The following FAF1 variants were observed in gnomAD, a reference collection of about 807,000 sequenced individuals.
FAF1 encodes Fas associated factor 1.
FAF1 carries 25 observed loss-of-function variants against 92.5 expected under a neutral mutation model. The ratio of observed to expected loss-of-function variants is 0.27; its 90% CI spans 0.20 to 0.38. The LOEUF is 0.38. Among genes scored for constraint, FAF1 ranks in the 10% least tolerant of loss-of-function variants. The pLI is 1.00. For missense variants in FAF1, 636 were observed against 793.3 expected, an observed-to-expected ratio of 0.80 and a Z score of 2.38; for synonymous variants, 234 against 273.2, an observed-to-expected ratio of 0.86 and a Z score of 1.42.
intron 1 of FAF1, among the ~76,000 whole-genome samples, chr1:50,866,959 C>G (rs967917265): frequency 6.6e-6 from 1 of 151,876 alleles, no homozygotes; most frequent in African/African-American, 2.4e-5. Flanking sequence ...CTATGGTCAC[C>G]AAAACATCAT....
At chr1:50,504,302 C>A (rs1647027499) in intron 15 of FAF1, among the ~76,000 whole-genome samples, 1 of 151,126 alleles carries the variant, frequency 6.6e-6, no homozygotes, top group South Asian at 2.1e-4. Context: ...GTGGATTAAG[C>A]AATACCTAAA....
intron 2 of FAF1, among the ~76,000 whole-genome samples, chr1:50,851,403 T>C (rs927741680): frequency 6.6e-6 from 1 of 152,194 alleles, no homozygotes; most frequent in Non-Finnish European, 1.5e-5. Flanking sequence ...AATATCCAAG[T>C]CGTTAAGCAG....
intron 1 of FAF1, among the ~76,000 whole-genome samples, chr1:50,888,990 G>A (rs1288254497): frequency 7.2e-5 from 11 of 152,092 alleles, no homozygotes; most frequent in Middle Eastern, 3.2e-3. Flanking sequence ...AATCCATCTG[G>A]TCCCGGACTT....
intron 7 of FAF1, among the ~76,000 whole-genome samples, chr1:50,674,110 C>T (rs1371201691): frequency 6.6e-6 from 1 of 152,118 alleles, no homozygotes; most frequent in Non-Finnish European, 1.5e-5. Context: ...GCCACCACAC[C>T]CAGCTAATTT....
intron 7 of FAF1, among the ~76,000 whole-genome samples, chr1:50,678,980 G>C (rs548417248): frequency 6.7e-6 from 1 of 148,884 alleles, no homozygotes; most frequent in Non-Finnish European, 1.5e-5. Flanking sequence ...CCAGCTACTC[G>C]GGAGGCTGAA....
At chr1:50,779,937 A>AG (rs1357429810) in intron 4 of FAF1, among the ~76,000 whole-genome samples, 1 of 151,820 alleles carries the variant, frequency 6.6e-6, no homozygotes, top group African/African-American at 2.4e-5. Context: ...AAAAAGAAAA[A>AG]GAAAAAAAAG....
intron 17 of FAF1, 63 bp downstream of exon 17, chr1:50,490,525 T>G (rs1646826274): frequency 1.9e-6 from 1 of 519,792 alleles, no homozygotes; most frequent in Non-Finnish European, 3.3e-6. Context: ...GAAGGTAGGT[T>G]AACAGCTTCA....
At chr1:50,531,988 T>C (rs1648199247) in intron 15 of FAF1, among the ~76,000 whole-genome samples, 1 of 152,154 alleles carries the variant, frequency 6.6e-6, no homozygotes, top group African/African-American at 2.4e-5. Flanking sequence ...ACTTAAGTCT[T>C]ATTTCTAATT....
At position 50,731,960 on chromosome 1, in the gene FAF1, C is replaced by T. The variant is rs149804208; in HGVS notation, c.551+6903G>A. Among the ~76,000 whole-genome samples, 19 of 152,158 alleles carry T rather than the reference C, an allele frequency of 1.2e-4. 1 individual carries two copies. The East Asian group carries it at 3.5e-3, about 28-fold the overall frequency. The stretch of plus-strand genomic sequence containing the variant: ...TATGATAGTGATTCTTTGATACTGG[C>T]TTTGTGTTCTACTACATGGTCAGTT... On this transcript the variant is annotated intron_variant, in intron 6 of 18. Coordinates refer to ENST00000396153, the MANE Select transcript of FAF1 (RefSeq NM_007051.3).
intron 9 of FAF1, among the ~76,000 whole-genome samples, chr1:50,589,741 A>C (rs1475141123): frequency 6.6e-6 from 1 of 152,178 alleles, no homozygotes; most frequent in Admixed American, 6.5e-5. Flanking sequence ...TCATACCAAG[A>C]TATCATTGCC....
intron 18 of FAF1, among the ~76,000 whole-genome samples, chr1:50,447,183 G>C (rs1394872047): frequency 1.4e-5 from 2 of 147,594 alleles, no homozygotes; most frequent in Admixed American, 1.4e-4. Flanking sequence ...TGGAGTGCAG[G>C]GGCACGATCT....
intron 6 of FAF1, among the ~76,000 whole-genome samples, chr1:50,732,073 T>TTA (rs758753610): frequency 6.6e-6 from 1 of 151,476 alleles, no homozygotes; most frequent in Non-Finnish European, 1.5e-5. Context: ...ATTATTATTA[T>TTA]TTATTTATTT....
intron 7 of FAF1, among the ~76,000 whole-genome samples, chr1:50,671,781 G>A (rs1655892912): frequency 1.3e-5 from 2 of 150,932 alleles, no homozygotes; most frequent in Admixed American, 1.3e-4. Context: ...CCAGGCTGGA[G>A]TGCAGTGGTG....
rs1644403368 is a variant in FAF1, at chr1:50,857,994, A to C, written c.49T>G (p.Cys17Gly). 1 of 1,589,256 alleles carries C rather than the reference A, an allele frequency of 6.3e-7. No individual in the cohort carries two copies. Among genetic ancestry groups the C allele is most frequent in the South Asian group, 1.2e-5 (1 of 86,644 alleles). ...TCGTCAATGTTTTCAATGCCAGTAC[A>C]TGCCTGGAAAGAAAGTAAATAAGCA... is the stretch of plus-strand genomic sequence containing the variant. The part of the protein sequence containing the change: ...REMILADFQA[C>G]TGIENIDEAI... The change falls in exon 2 of 19, where the codon TGT (cysteine) becomes GGT (glycine). Residue 17 changes from cysteine (C) to glycine (G), a missense_variant. This residue lies in a region of FAF1 where 317 missense variants were observed against 342.4 expected (regional missense o/e 0.93). Coordinates refer to ENST00000396153, the MANE Select transcript of FAF1 (RefSeq NM_007051.3).
chr1:50,596,311 T>C (rs1455041402), intron 8 of FAF1, 95 bp from the exon 9 acceptor site: 2 of 878,198 alleles, frequency 2.3e-6, no homozygotes, highest in Non-Finnish European at 3.6e-6. Context: ...TTGCTGAAGC[T>C]AGATTAGAAA....
intron 2 of FAF1, among the ~76,000 whole-genome samples, chr1:50,834,717 T>C (rs1177795622): frequency 2.6e-5 from 4 of 152,198 alleles, no homozygotes; most frequent in South Asian, 2.1e-4. Flanking sequence ...AGTATATTCA[T>C]AGTGTGGGGA....
intron 18 of FAF1, among the ~76,000 whole-genome samples, chr1:50,461,225 A>T (rs959786775): frequency 1.3e-5 from 2 of 152,186 alleles, no homozygotes; most frequent in African/African-American, 4.8e-5. Context: ...CCTCAGGTGT[A>T]TTATTACAGT....
At chr1:50,528,517 T>C (rs1056020738) in intron 15 of FAF1, among the ~76,000 whole-genome samples, 1 of 152,218 alleles carries the variant, frequency 6.6e-6, no homozygotes, top group Non-Finnish European at 1.5e-5. Context: ...GATCAATTTT[T>C]ATATATTCAC....
chr1:50,854,807 T>C (rs968163999), intron 2 of FAF1, among the ~76,000 whole-genome samples: 1 of 151,862 alleles, frequency 6.6e-6, no homozygotes, highest in Admixed American at 6.6e-5. Flanking sequence ...ACCGTTTTTT[T>C]AGGAAGTTAC....
Sources: allele counts gnomAD v4.1 joint callset (sites outside exome capture counted in the v4.1 genomes callset), GRCh38; gene constraint gnomAD v4.1.1; regional missense constraint gnomAD v4.1.1; transcripts MANE v1.5; gene names NCBI Gene and HGNC (gene_info 2026-07-23, HGNC 2026-07-21).